PLXDC2: variants seen among roughly 807,000 people sequenced by gnomAD.
PLXDC2 encodes plexin domain containing 2, also known as plexin domain-containing protein 2.
In PLXDC2, 40 loss-of-function variants were observed where a neutral mutation model predicts 68.9. The observed-to-expected ratio is 0.58, with a 90% CI of 0.45 to 0.76. The LOEUF (loss-of-function observed/expected upper bound fraction) is 0.76. Ranked by LOEUF, PLXDC2 falls within the 30% of genes least tolerant of loss-of-function variation. The probability of loss-of-function intolerance (pLI) is 0.00; values close to 1 mark genes in which losing one functional copy is unlikely to be tolerated. For missense variants in PLXDC2, 644 were observed against 661.9 expected (o/e 0.97, Z 0.30); for synonymous variants, 243 against 234.2 (o/e 1.04, Z -0.34).
At chr10:19,895,473 T>G (rs1310933658) in intron 1 of PLXDC2, among the ~76,000 whole-genome samples, 1 of 152,220 alleles carries the variant, frequency 6.6e-6, no homozygotes, top group Non-Finnish European at 1.5e-5. Flanking sequence ...TATTTTAATA[T>G]ATGGCATTAT....
At chr10:20,279,041 G>T (rs1836046478) in intron 13 of PLXDC2, among the ~76,000 whole-genome samples, 1 of 152,072 alleles carries the variant, frequency 6.6e-6, no homozygotes, top group African/African-American at 2.4e-5. Flanking sequence ...AGTGTCTATT[G>T]TACAATATTT....
intron 4 of PLXDC2, among the ~76,000 whole-genome samples, chr10:20,070,111 A>C (rs1023968690): frequency 3.3e-5 from 5 of 152,170 alleles, no homozygotes; most frequent in Admixed American, 3.3e-4. Context: ...AGTTATGTCA[A>C]TGGTATCTTT....
intron 1 of PLXDC2, among the ~76,000 whole-genome samples, chr10:19,991,912 C>T (rs1834757827): frequency 6.6e-6 from 1 of 152,182 alleles, no homozygotes; most frequent in Admixed American, 6.5e-5. Flanking sequence ...CAGAATTTTC[C>T]ATCTCCCCTG....
At chr10:20,003,393 A>G (rs1250345055) in intron 2 of PLXDC2, among the ~76,000 whole-genome samples, 1 of 152,140 alleles carries the variant, frequency 6.6e-6, no homozygotes, top group Non-Finnish European at 1.5e-5. Flanking sequence ...GGTTGTTGGC[A>G]TGGCAAACCT....
At chr10:19,946,634 C>T (rs564736337) in intron 1 of PLXDC2, among the ~76,000 whole-genome samples, 7 of 151,884 alleles carry the variant, frequency 4.6e-5, no homozygotes, top group Admixed American at 6.6e-5. Flanking sequence ...ACAGTTTTTC[C>T]GTGGACGGGG....
At chr10:20,045,332 G>A (rs1484190371) in intron 2 of PLXDC2, among the ~76,000 whole-genome samples, 5 of 152,018 alleles carry the variant, frequency 3.3e-5, no homozygotes, top group African/African-American at 4.8e-5. Flanking sequence ...CACTGCACCC[G>A]GCTAATTTTT....
chr10:19,953,470 C>T (rs548956781), intron 1 of PLXDC2, among the ~76,000 whole-genome samples: 133 of 152,322 alleles, frequency 8.7e-4, no homozygotes, highest in African/African-American at 2.4e-3. Flanking sequence ...GGAGGTGAAG[C>T]AGTAGGAGAA....
intron 2 of PLXDC2, among the ~76,000 whole-genome samples, chr10:20,020,770 C>T (rs945170477): frequency 1.3e-5 from 2 of 152,126 alleles, no homozygotes; most frequent in African/African-American, 2.4e-5. Context: ...AACATTAATG[C>T]CTGATGAGAA....
chr10:20,047,730 A>G (rs1835821184), intron 3 of PLXDC2, among the ~76,000 whole-genome samples: 2 of 152,104 alleles, frequency 1.3e-5, no homozygotes. Flanking sequence ...AGCTTTTCCA[A>G]TCTCCACAAC....
chr10:19,923,799 C>T (rs1833498592), intron 1 of PLXDC2, among the ~76,000 whole-genome samples: 1 of 152,354 alleles, frequency 6.6e-6, no homozygotes, highest in Non-Finnish European at 1.5e-5. Context: ...GTCAGTGGCT[C>T]ATGCCTGTAA....
chr10:20,276,316 A>C (rs1382761092), intron 13 of PLXDC2, among the ~76,000 whole-genome samples: 1 of 152,154 alleles, frequency 6.6e-6, no homozygotes. Context: ...GTACACTGCT[A>C]ACTGAGGGTG....
chr10:19,903,123 G>C (rs374331833), intron 1 of PLXDC2, among the ~76,000 whole-genome samples: 3 of 152,076 alleles, frequency 2.0e-5, no homozygotes, highest in Admixed American at 6.5e-5. Flanking sequence ...AGGGATATTC[G>C]TCTGTAGGTT....
chr10:20,096,435 G>T (rs937298855), intron 4 of PLXDC2, among the ~76,000 whole-genome samples: 1 of 152,192 alleles, frequency 6.6e-6, no homozygotes, highest in South Asian at 2.1e-4. Flanking sequence ...GAAAGATGAG[G>T]GAAGGGAGAG....
chr10:19,890,534 GAGAC>G (rs1837937267), intron 1 of PLXDC2, among the ~76,000 whole-genome samples: 1 of 137,574 alleles, frequency 7.3e-6, no homozygotes, highest in Admixed American at 7.5e-5. Flanking sequence ...TTTTTTTTCT[GAGAC>G]GGGGTTTTTT....
chr10:19,855,313 G>C (rs1039730140), intron 1 of PLXDC2, among the ~76,000 whole-genome samples: 1 of 152,096 alleles, frequency 6.6e-6, no homozygotes, highest in African/African-American at 2.4e-5. Context: ...ATCGTCAATG[G>C]TTGGCTTTTG....
intron 1 of PLXDC2, among the ~76,000 whole-genome samples, chr10:19,979,172 G>A (rs918446831): frequency 2.6e-5 from 4 of 151,936 alleles, no homozygotes; most frequent in African/African-American, 9.7e-5. Context: ...TCCCACTTCT[G>A]CATAAGACTT....
rs551735640 is a variant in PLXDC2, at chr10:20,054,846, A to T, written c.471+7831A>T. Among the ~76,000 whole-genome samples, 77 of 152,122 alleles carry T rather than the reference A, an allele frequency of 5.1e-4. No homozygotes were observed. The South Asian group carries it at 0.015, about 30-fold the overall frequency. ...TGTGCACATGTACCCTAAAACTTAA[A>T]GTATAATAATAAAAAAAACCAGATA... is the stretch of plus-strand genomic sequence containing the variant. On this transcript the variant is annotated intron_variant, in intron 3 of 13. Coordinates refer to ENST00000377252, the MANE Select transcript of PLXDC2 (RefSeq NM_032812.9).
intron 1 of PLXDC2, among the ~76,000 whole-genome samples, chr10:19,914,945 C>G (rs1361695543): frequency 6.6e-6 from 1 of 152,150 alleles, no homozygotes; most frequent in African/African-American, 2.4e-5. Context: ...TGTAGCCTCT[C>G]TAGATTTCTT....
intron 1 of PLXDC2, among the ~76,000 whole-genome samples, chr10:19,878,849 G>A (rs571591962): frequency 6.6e-6 from 1 of 152,258 alleles, no homozygotes; most frequent in South Asian, 2.1e-4. Flanking sequence ...TTTTCTGGGT[G>A]TCATAGTATT....
Sources: allele counts gnomAD v4.1 joint callset (sites outside exome capture counted in the v4.1 genomes callset), GRCh38; gene constraint gnomAD v4.1.1; transcripts MANE v1.5; gene names NCBI Gene and HGNC (gene_info 2026-07-23, HGNC 2026-07-21).